Variants in ST6GALNAC3 observed in about 807,000 individuals in gnomAD.
ST6GALNAC3 encodes the protein alpha-N-acetylgalactosaminide alpha-2,6-sialyltransferase 3.
A neutral mutation model predicts 32.7 loss-of-function variants in ST6GALNAC3; 25 were observed. The ratio of observed to expected loss-of-function variants is 0.76; its 90% CI spans 0.56 to 1.07. The LOEUF (loss-of-function observed/expected upper bound fraction) is 1.07. Among genes scored for constraint, ST6GALNAC3 ranks in the 50% least tolerant of loss-of-function variants. The pLI, the probability that ST6GALNAC3 is intolerant of heterozygous loss-of-function variation, is 0.00. For synonymous variants in ST6GALNAC3, 129 were observed against 133.1 expected, an observed-to-expected ratio of 0.97 and a Z score of 0.21; for missense variants, 355 against 382.4, an observed-to-expected ratio of 0.93 and a Z score of 0.60.
intron 3 of ST6GALNAC3, among the ~76,000 whole-genome samples, chr1:76,547,704 A>G (rs1664380123): frequency 6.6e-6 from 1 of 152,066 alleles, no homozygotes; most frequent in African/African-American, 2.4e-5. Flanking sequence ...AATACAAAAA[A>G]GTAGCTGGGT....
At chr1:76,092,895 A>G (rs1380697033) in intron 1 of ST6GALNAC3, among the ~76,000 whole-genome samples, 1 of 152,072 alleles carries the variant, frequency 6.6e-6, no homozygotes, top group African/African-American at 2.4e-5. Context: ...GTGCTCTTCC[A>G]TTGTGTCCTC....
intron 3 of ST6GALNAC3, among the ~76,000 whole-genome samples, chr1:76,448,942 T>G (rs754517489): frequency 6.6e-5 from 10 of 152,116 alleles, no homozygotes; most frequent in Non-Finnish European, 5.9e-5. Flanking sequence ...TTCAAGGGAT[T>G]CTCCTGCCTC....
chr1:76,319,351 G>A (rs771361582), intron 2 of ST6GALNAC3, among the ~76,000 whole-genome samples: 2 of 152,086 alleles, frequency 1.3e-5, no homozygotes, highest in African/African-American at 4.8e-5. Flanking sequence ...AAATGAGAAC[G>A]TTTTAAAACC....
intron 1 of ST6GALNAC3, among the ~76,000 whole-genome samples, chr1:76,219,223 C>T (rs969761945): frequency 2.6e-5 from 4 of 152,198 alleles, no homozygotes; most frequent in African/African-American, 7.2e-5. Context: ...CATATGCTCA[C>T]ACAGGATATG....
intron 1 of ST6GALNAC3, among the ~76,000 whole-genome samples, chr1:76,273,583 A>AT (rs59692962): frequency 0.044 from 6,658 of 151,282 alleles, 471 homozygotes; most frequent in African/African-American, 0.15. Context: ...AATGAAAACC[A>AT]TTTTTTTTTG....
At chr1:76,318,457 T>C (rs935135233) in intron 2 of ST6GALNAC3, among the ~76,000 whole-genome samples, 1 of 152,154 alleles carries the variant, frequency 6.6e-6, no homozygotes. Flanking sequence ...AAGTCTTCGC[T>C]GGCCACGGAG....
intron 1 of ST6GALNAC3, among the ~76,000 whole-genome samples, chr1:76,288,315 T>C (rs1414971486): frequency 6.6e-6 from 1 of 152,192 alleles, no homozygotes; most frequent in Non-Finnish European, 1.5e-5. Flanking sequence ...AATTTTTTCC[T>C]GCAGAGTGAA....
intron 1 of ST6GALNAC3, among the ~76,000 whole-genome samples, chr1:76,146,916 C>T (rs920090902): frequency 1.3e-5 from 2 of 152,098 alleles, no homozygotes. Context: ...TTTCCGACCT[C>T]CTCCTTGACA....
chr1:76,297,179 G>A (rs1660454731), intron 1 of ST6GALNAC3, among the ~76,000 whole-genome samples: 1 of 151,740 alleles, frequency 6.6e-6, no homozygotes, highest in African/African-American at 2.4e-5. Flanking sequence ...ATTTGTCCAA[G>A]GTGGAGATGA....
intron 2 of ST6GALNAC3, among the ~76,000 whole-genome samples, chr1:76,320,822 C>T (rs1646951653): frequency 6.6e-6 from 1 of 151,868 alleles, no homozygotes; most frequent in South Asian, 2.1e-4. Context: ...TGCATGCATG[C>T]AGCATATACA....
intron 3 of ST6GALNAC3, among the ~76,000 whole-genome samples, chr1:76,556,637 A>G (rs926523967): frequency 2.0e-5 from 3 of 152,138 alleles, no homozygotes; most frequent in African/African-American, 7.2e-5. Flanking sequence ...AATGTTGAGC[A>G]TCTTTTCCTG....
At chr1:76,161,683 T>A (rs1651823073) in intron 1 of ST6GALNAC3, among the ~76,000 whole-genome samples, 1 of 152,220 alleles carries the variant, frequency 6.6e-6, no homozygotes, top group Admixed American at 6.5e-5. Context: ...GAGCTTTACA[T>A]TTCTTTTTAC....
chr1:76,147,875 C>T (rs1234786261), intron 1 of ST6GALNAC3, among the ~76,000 whole-genome samples: 1 of 152,144 alleles, frequency 6.6e-6, no homozygotes, highest in Non-Finnish European at 1.5e-5. Context: ...CCCTCAGAGC[C>T]TAACTCTCTA....
chr1:76,489,281 G>GGT lies in ST6GALNAC3; in HGVS notation c.623+76881_623+76882dup, dbSNP rs369016477. Among the ~76,000 whole-genome samples the GGT allele has an allele frequency of 2.6e-3, 395 of 151,122 alleles. 1 individual carries two copies. The highest frequency in any genetic ancestry group is 0.01 in the Middle Eastern group (3 of 294). Reference sequence around the variant, plus strand: ...ACTGTTGGAAGAAACATATTTTGCAGGTGTGTGTGTGTGTGTGTAAAACTA... The same window carrying GGT: ...ACTGTTGGAAGAAACATATTTTGCAGGTGTGTGTGTGTGTGTGTGTAAAACTA... On this transcript the variant is annotated intron_variant, in intron 3 of 4. Transcript: ENST00000328299.
chr1:76,561,496 T>TC (rs1312077561), intron 3 of ST6GALNAC3, among the ~76,000 whole-genome samples: 12 of 152,072 alleles, frequency 7.9e-5, no homozygotes, highest in African/African-American at 2.9e-4. Context: ...AGAAGATATA[T>TC]AAATGGCCAA....
At chr1:76,441,366 A>G (rs1656591544) in intron 3 of ST6GALNAC3, among the ~76,000 whole-genome samples, 1 of 152,210 alleles carries the variant, frequency 6.6e-6, no homozygotes, top group Non-Finnish European at 1.5e-5. Flanking sequence ...TTTTACAATA[A>G]GGCAAGTGAA....
intron 1 of ST6GALNAC3, among the ~76,000 whole-genome samples, chr1:76,103,290 TC>T (rs1647311255): frequency 6.6e-6 from 1 of 152,116 alleles, no homozygotes; most frequent in African/African-American, 2.4e-5. Context: ...ATATTGCTTT[TC>T]CCCATTCAGT....
intron 1 of ST6GALNAC3, among the ~76,000 whole-genome samples, chr1:76,169,142 C>G (rs1195920339): frequency 6.6e-6 from 1 of 152,138 alleles, no homozygotes; most frequent in Non-Finnish European, 1.5e-5. Flanking sequence ...TAAGGTAGGT[C>G]TGGTGGTAAT....
At chr1:76,202,462 A>T (rs989969025) in intron 1 of ST6GALNAC3, among the ~76,000 whole-genome samples, 6 of 152,134 alleles carry the variant, frequency 3.9e-5, no homozygotes, top group African/African-American at 1.4e-4. Context: ...CTAAGGGTCA[A>T]AGAAGAGTGA....
Sources: gnomAD v4.1 joint callset for allele counts (sites outside exome capture counted in the v4.1 genomes callset) on GRCh38, gnomAD v4.1.1 for gene constraint, MANE v1.5 for transcripts, NCBI Gene and HGNC (gene_info 2026-07-23, HGNC 2026-07-21) for gene names.